The following DAB1 variants were observed in gnomAD, a reference collection of about 807,000 sequenced individuals.
The protein encoded by DAB1 is disabled homolog 1.
In DAB1, 15 loss-of-function variants were observed where a neutral mutation model predicts 64.6. The ratio of observed to expected loss-of-function variants is 0.23; its 90% CI spans 0.16 to 0.36. DAB1 has a LOEUF of 0.36. Ranked by LOEUF, DAB1 falls within the 10% of genes least tolerant of loss-of-function variation. The pLI, the probability that DAB1 is intolerant of heterozygous loss-of-function variation, is 1.00. For missense variants in DAB1, 596 were observed against 706.7 expected, an observed-to-expected ratio of 0.84 and a Z score of 1.78; for synonymous variants, 235 against 251.9, an observed-to-expected ratio of 0.93 and a Z score of 0.64.
At chr1:57,494,500 C>CAA (rs11406822) in intron 7 of DAB1, among the ~76,000 whole-genome samples, 1 of 152,088 alleles carries the variant, frequency 6.6e-6, no homozygotes, top group African/African-American at 2.4e-5. Context: ...CTTCCTGAAG[C>CAA]AAAAATGCCA....
At chr1:57,081,231 G>T (rs911273660) in intron 4 of DAB1, among the ~76,000 whole-genome samples, 10 of 152,164 alleles carry the variant, frequency 6.6e-5, no homozygotes, top group African/African-American at 2.4e-4. Flanking sequence ...AGGGATATAA[G>T]GAAGATCACT....
chr1:57,747,807 C>CAAAAAAAAA (rs373640023), intron 6 of DAB1, among the ~76,000 whole-genome samples: 1 of 43,974 alleles, frequency 2.3e-5, no homozygotes, highest in African/African-American at 7.6e-5. Flanking sequence ...GGACTCTGTC[C>CAAAAAAAAA]AAAAAAAAAA....
chr1:57,630,517 G>C (rs76785147), intron 7 of DAB1, among the ~76,000 whole-genome samples: 2,981 of 152,150 alleles, frequency 0.02, 82 homozygotes, highest in African/African-American at 0.064. Flanking sequence ...AAAAGGGTAG[G>C]GTTATCTACT....
At position 58,152,823 on chromosome 1, in the gene DAB1, C is replaced by G. The variant is rs151104326; in HGVS notation, n.310-2235G>C. Among the ~76,000 whole-genome samples the G allele has an allele frequency of 1.3e-3, 196 of 152,224 alleles. 1 individual carries two copies. The highest frequency in any genetic ancestry group is 4.7e-3 in the African/African-American group (194 of 41,542). On this transcript the variant is annotated intron_variant and non_coding_transcript_variant, in intron 4 of 20. Transcript: ENST00000485760. Reference sequence around the variant, plus strand: ...TTAAAAGCACTTCAACATCTATTAGCCAATATAGTTATCTCAGTAACCTTC... The same window carrying G: ...TTAAAAGCACTTCAACATCTATTAGGCAATATAGTTATCTCAGTAACCTTC...
chr1:57,643,740 A>G (rs1323576674), intron 7 of DAB1, among the ~76,000 whole-genome samples: 1 of 152,156 alleles, frequency 6.6e-6, no homozygotes, highest in Admixed American at 6.6e-5. Context: ...TTGCCACTCC[A>G]TTACGAATTC....
intron 3 of DAB1, among the ~76,000 whole-genome samples, chr1:58,472,981 G>A (rs538943268): frequency 6.6e-6 from 1 of 152,252 alleles, no homozygotes; most frequent in East Asian, 1.9e-4. Flanking sequence ...GCCTTCTCAG[G>A]GTGTTCTATG....
chr1:57,499,986 T>C (rs867241221), intron 7 of DAB1, among the ~76,000 whole-genome samples: 3 of 152,216 alleles, frequency 2.0e-5, no homozygotes, highest in East Asian at 1.9e-4. Context: ...ATTGTATAAA[T>C]TGATGTATGT....
intron 2 of DAB1, among the ~76,000 whole-genome samples, chr1:57,156,625 T>C (rs1455098111): frequency 6.6e-6 from 1 of 152,144 alleles, no homozygotes; most frequent in Non-Finnish European, 1.5e-5. Context: ...ACAGATCTTA[T>C]TTTATACAGT....
chr1:57,863,068 T>A (rs550236355), intron 1 of DAB1: 1 of 152,272 alleles, frequency 6.6e-6, no homozygotes, highest in East Asian at 1.9e-4. Flanking sequence ...CTATAGTATA[T>A]CCATACAATT....
At chr1:58,136,902 T>C (rs1486762971) in intron 5 of DAB1, among the ~76,000 whole-genome samples, 1 of 152,222 alleles carries the variant, frequency 6.6e-6, no homozygotes, top group Non-Finnish European at 1.5e-5. Context: ...TGTCTAATTT[T>C]AACGTCTGAG....
At chr1:58,080,613 G>T (rs1649937419) in intron 5 of DAB1, among the ~76,000 whole-genome samples, 1 of 152,240 alleles carries the variant, frequency 6.6e-6, no homozygotes, top group African/African-American at 2.4e-5. Context: ...CAAACAAGAA[G>T]TTAGTCATTA....
At chr1:57,171,563 G>C (rs751453880) in intron 2 of DAB1, among the ~76,000 whole-genome samples, 6 of 152,078 alleles carry the variant, frequency 3.9e-5, no homozygotes, top group Admixed American at 1.3e-4. Context: ...GTTCCTTTTT[G>C]GGTTGGCCTC....
chr1:58,363,198 G>C (rs1200726422), intron 3 of DAB1, among the ~76,000 whole-genome samples: 1 of 152,280 alleles, frequency 6.6e-6, no homozygotes, highest in Admixed American at 6.5e-5. Flanking sequence ...TGGGTTGGGA[G>C]CACAGTTTAA....
intron 7 of DAB1, among the ~76,000 whole-genome samples, chr1:57,545,097 C>T (rs953929891): frequency 1.2e-4 from 18 of 152,180 alleles, no homozygotes; most frequent in African/African-American, 4.1e-4. Flanking sequence ...CCATTCCTGG[C>T]TTTTTGTTTC....
chr1:57,469,461 A>G (rs1286961478), intron 7 of DAB1, among the ~76,000 whole-genome samples: 4 of 152,144 alleles, frequency 2.6e-5, no homozygotes, highest in Admixed American at 6.6e-5. Flanking sequence ...TCCCTCCCTC[A>G]TCACTGCATC....
At chr1:57,510,699 C>CT (rs1193146248) in intron 7 of DAB1, among the ~76,000 whole-genome samples, 1 of 152,070 alleles carries the variant, frequency 6.6e-6, no homozygotes, top group East Asian at 1.9e-4. Context: ...CCTTGATTTC[C>CT]TTTTTTCACA....
At chr1:57,623,710 T>C (rs1409650692) in intron 7 of DAB1, among the ~76,000 whole-genome samples, 1 of 152,062 alleles carries the variant, frequency 6.6e-6, no homozygotes, top group Non-Finnish European at 1.5e-5. Flanking sequence ...GGCTTCTGTG[T>C]TTTGAAATAG....
At chr1:57,147,091 C>T (rs540090662) in intron 2 of DAB1, among the ~76,000 whole-genome samples, 6 of 150,694 alleles carry the variant, frequency 4.0e-5, no homozygotes, top group South Asian at 2.1e-4. Context: ...AGCACAGTGG[C>T]GCGATCACAG....
chr1:58,283,316 T>C (rs1162299535), intron 4 of DAB1, among the ~76,000 whole-genome samples: 1 of 152,152 alleles, frequency 6.6e-6, no homozygotes, highest in Non-Finnish European at 1.5e-5. Flanking sequence ...CAAAACAGAA[T>C]GGGGTGGCAG....
Sources: gnomAD v4.1 joint callset for allele counts (sites outside exome capture counted in the v4.1 genomes callset) on GRCh38, gnomAD v4.1.1 for gene constraint, MANE v1.5 for transcripts, NCBI Gene and HGNC (gene_info 2026-07-23, HGNC 2026-07-21) for gene names.